SPIN1: variants seen among roughly 807,000 people sequenced by gnomAD.
SPIN1 encodes spindlin 1.
Under a neutral mutation model 26.0 loss-of-function variants are expected in SPIN1, and 3 were observed. That is an observed-to-expected ratio of 0.12 (90% confidence interval 0.05 to 0.30). SPIN1 has a LOEUF of 0.30. Ranked by LOEUF, SPIN1 falls within the 10% of genes least tolerant of loss-of-function variation. SPIN1 has a pLI of 1.00. For missense variants in SPIN1, 126 were observed against 333.4 expected (o/e 0.38, Z 4.84); for synonymous variants, 101 against 116.5 (o/e 0.87, Z 0.86).
chr9:88,468,541 C>G lies in SPIN1; in HGVS notation c.525C>G (p.Val175=). 6.2e-7 allele frequency: 1 copy of G among 1,610,238 alleles called. No individual in the cohort carries two copies. The highest frequency in any genetic ancestry group is 8.5e-7 in the Non-Finnish European group (1 of 1,178,514). ...ACATTACCTATGAGAAAGACCCTGT[C>G]TTGTACATGTACCAACTCTTAGATG... ...WFYITYEKDP[V]LYMYQLLDDY... The change falls in exon 5 of 6, where the codon GTC becomes GTG. Residue 175 remains valine (V), a synonymous_variant. Transcript: ENST00000375859.
At chr9:88,406,880 T>A (rs1827322444) in intron 1 of SPIN1, among the ~76,000 whole-genome samples, 1 of 152,160 alleles carries the variant, frequency 6.6e-6, no homozygotes, top group African/African-American at 2.4e-5. Context: ...TCTGTTGAGC[T>A]CATTTTTATT....
At chr9:88,429,771 C>G (rs534325045) in intron 2 of SPIN1, among the ~76,000 whole-genome samples, 1 of 152,190 alleles carries the variant, frequency 6.6e-6, no homozygotes, top group South Asian at 2.1e-4. Context: ...GCCCCTGTCC[C>G]GTAACAGTGG....
chr9:88,392,286 C>T (rs1826940374), intron 1 of SPIN1, among the ~76,000 whole-genome samples: 1 of 152,120 alleles, frequency 6.6e-6, no homozygotes. Flanking sequence ...TGTTCATGAC[C>T]TTAAAATTGC....
intron 2 of SPIN1, among the ~76,000 whole-genome samples, chr9:88,435,975 C>G (rs553238189): frequency 4.6e-5 from 7 of 152,272 alleles, no homozygotes; most frequent in Admixed American, 3.3e-4. Context: ...TAAATTTTAG[C>G]CCATATATGT....
At chr9:88,429,460 G>A (rs75122778) in intron 2 of SPIN1, among the ~76,000 whole-genome samples, 2,935 of 152,098 alleles carry the variant, frequency 0.019, 71 homozygotes, top group African/African-American at 0.063. Flanking sequence ...CCTGTCCCTG[G>A]GCTCAATTAG....
At chr9:88,449,117 G>A in intron 3 of SPIN1, 128 bp downstream of exon 3, 1 of 796,202 alleles carries the variant, frequency 1.3e-6, no homozygotes, top group Non-Finnish European at 2.1e-6. Flanking sequence ...GATGTAGTGT[G>A]CGATGAGGAA....
intron 1 of SPIN1, among the ~76,000 whole-genome samples, chr9:88,390,024 G>C (rs1826884587): frequency 1.3e-5 from 2 of 152,052 alleles, no homozygotes; most frequent in South Asian, 2.1e-4. Flanking sequence ...ATATATTAAG[G>C]TTGTAAAGAA....
intron 2 of SPIN1, among the ~76,000 whole-genome samples, chr9:88,444,013 A>G (rs934556826): frequency 2.0e-5 from 3 of 151,914 alleles, no homozygotes; most frequent in Non-Finnish European, 4.4e-5. Flanking sequence ...CTGATCTAGT[A>G]AGTTGTGATT....
chr9:88,445,285 C>T (rs1267296197), intron 2 of SPIN1, among the ~76,000 whole-genome samples: 3 of 152,026 alleles, frequency 2.0e-5, no homozygotes, highest in Admixed American at 2.0e-4. Flanking sequence ...TTCAGGTAGA[C>T]TTGCTCCTGC....
At chr9:88,429,296 A>G (rs56930968) in intron 2 of SPIN1, among the ~76,000 whole-genome samples, 2,874 of 152,210 alleles carry the variant, frequency 0.019, 91 homozygotes, top group African/African-American at 0.066. Flanking sequence ...CTTCAGTCCA[A>G]TTCTGATACT....
chr9:88,405,536 CTTTTTTT>C (rs757565862), intron 1 of SPIN1, among the ~76,000 whole-genome samples: 53 of 110,732 alleles, frequency 4.8e-4, no homozygotes, highest in African/African-American at 1.9e-3. Context: ...CTGTACTATC[CTTTTTTT>C]TTTTTTTTTT....
intron 1 of SPIN1, among the ~76,000 whole-genome samples, chr9:88,400,072 T>C (rs1827154022): frequency 6.6e-6 from 1 of 152,156 alleles, no homozygotes; most frequent in South Asian, 2.1e-4. Context: ...CAGAGGAACT[T>C]AATCTCCGTT....
At chr9:88,424,932 A>G (rs2118017238) in intron 1 of SPIN1, among the ~76,000 whole-genome samples, 1 of 152,334 alleles carries the variant, frequency 6.6e-6, no homozygotes, top group East Asian at 1.9e-4. Context: ...CTGATGACGG[A>G]AGATTCACAG....
rs1828922544 is a variant in SPIN1, at chr9:88,478,288, TGTA to T, written c.*3014_*3016del. Reference sequence around the variant, plus strand: ...GAAGACTGTTCCGATTGTTACAAATTGTAGTGCCTGAAAACACTCTTAAGCTGA... The same window carrying T: ...GAAGACTGTTCCGATTGTTACAAATTGTGCCTGAAAACACTCTTAAGCTGA... On this transcript the variant is annotated 3_prime_UTR_variant, in exon 6 of 6. Transcript: ENST00000375859. 1.3e-5 allele frequency: 2 copies of T among 152,670 alleles called. No homozygotes were observed. Among genetic ancestry groups the T allele is most frequent in the Admixed American group, 1.3e-4 (2 of 15,276 alleles). 9.5% of individuals were successfully genotyped at this position (152,670 alleles called of 1,614,324 possible).
At chr9:88,469,211 T>C (rs1366959157) in intron 5 of SPIN1, among the ~76,000 whole-genome samples, 1 of 152,212 alleles carries the variant, frequency 6.6e-6, no homozygotes, top group East Asian at 1.9e-4. Flanking sequence ...CAATAAGGTT[T>C]GTGCTCCTGT....
intron 1 of SPIN1, among the ~76,000 whole-genome samples, chr9:88,415,274 G>A (rs1827537212): frequency 6.6e-6 from 1 of 152,096 alleles, no homozygotes; most frequent in African/African-American, 2.4e-5. Flanking sequence ...ATATATGATA[G>A]CTGCTTTGCC....
At chr9:88,399,698 C>T (rs769738979) in intron 1 of SPIN1, among the ~76,000 whole-genome samples, 2 of 152,122 alleles carry the variant, frequency 1.3e-5, no homozygotes, top group Non-Finnish European at 2.9e-5. Flanking sequence ...GCTTTATCTT[C>T]TGCACCCTTC....
At chr9:88,464,626 C>T (rs1308275462) in intron 4 of SPIN1, among the ~76,000 whole-genome samples, 1 of 152,162 alleles carries the variant, frequency 6.6e-6, no homozygotes, top group Non-Finnish European at 1.5e-5. Context: ...TGGAGTTTCC[C>T]ACTATCTATT....
rs1437199070 is a variant in SPIN1 at position 88,473,741 on chromosome 9, G to A, written c.590-1337G>A. On this transcript the variant is annotated intron_variant, in intron 5 of 5. Transcript: ENST00000375859. ...TGATTTCTGAAAGGGTCCTGGTCGC[G>A]TACCCGCTCTGATGGTAAAACAGGC... Among the ~76,000 whole-genome samples, 4 of 152,008 alleles carry A rather than the reference G, an allele frequency of 2.6e-5. No homozygotes were observed. The East Asian group carries it at 5.8e-4, about 22-fold the overall frequency.
Sources: allele counts gnomAD v4.1 joint callset (sites outside exome capture counted in the v4.1 genomes callset), GRCh38; gene constraint gnomAD v4.1.1; transcripts MANE v1.5; gene names NCBI Gene and HGNC (gene_info 2026-07-23, HGNC 2026-07-21).